RAB3GAP1: variants seen among roughly 807,000 people sequenced by gnomAD.
RAB3GAP1 encodes the protein rab3 GTPase-activating protein catalytic subunit.
RAB3GAP1 carries 86 observed loss-of-function variants against 130.7 expected under a neutral mutation model. That is an observed-to-expected ratio of 0.66 (90% CI 0.55 to 0.79). RAB3GAP1 has a LOEUF of 0.79. Ranked by LOEUF, RAB3GAP1 falls within the 30% of genes least tolerant of loss-of-function variation. The pLI is 0.00. For missense variants in RAB3GAP1, 1,029 were observed against 1,169.4 expected, an observed-to-expected ratio of 0.88 and a Z score of 1.75; for synonymous variants, 367 against 401.7, an observed-to-expected ratio of 0.91 and a Z score of 1.03.
intron 2 of RAB3GAP1, among the ~76,000 whole-genome samples, chr2:135,053,301 G>T (rs188061029): frequency 4.6e-5 from 7 of 152,354 alleles, no homozygotes; most frequent in South Asian, 2.1e-4. Flanking sequence ...GTCTGCATAT[G>T]GTTTTGGAAT....
chr2:135,173,484 G>T (rs1471361001), downstream of RAB3GAP1, among the ~76,000 whole-genome samples: 3 of 152,108 alleles, frequency 2.0e-5, no homozygotes, highest in Non-Finnish European at 4.4e-5. Context: ...GAGATGACAA[G>T]TAAGATGAGG....
chr2:135,052,567 A>C, intron 2 of RAB3GAP1, 82 bp downstream of exon 2: 5 of 1,484,100 alleles, frequency 3.4e-6, no homozygotes, highest in Non-Finnish European at 4.7e-6. Context: ...GACACACCAC[A>C]AGTGACGCCA....
At chr2:135,107,440 A>G (rs1455535522) in intron 5 of RAB3GAP1, among the ~76,000 whole-genome samples, 2 of 152,136 alleles carry the variant, frequency 1.3e-5, no homozygotes, top group Non-Finnish European at 2.9e-5. Flanking sequence ...GAAGGAATGG[A>G]GTTATACTAT....
chr2:135,115,768 T>A (rs1020926347), intron 7 of RAB3GAP1, among the ~76,000 whole-genome samples: 1 of 152,224 alleles, frequency 6.6e-6, no homozygotes, highest in Admixed American at 6.5e-5. Context: ...CTAAACACTT[T>A]GGGTTCTGAA....
intron 7 of RAB3GAP1, among the ~76,000 whole-genome samples, chr2:135,117,462 G>GCTTCTT (rs1284949739): frequency 2.4e-5 from 1 of 41,788 alleles, no homozygotes; most frequent in African/African-American, 5.6e-5. Context: ...TTCTGCTTCT[G>GCTTCTT]CTTCTGCTTC....
intron 5 of RAB3GAP1, among the ~76,000 whole-genome samples, chr2:135,105,992 C>A (rs1305317489): frequency 6.6e-6 from 1 of 151,336 alleles, no homozygotes; most frequent in African/African-American, 2.4e-5. Flanking sequence ...GCCCCTCCGC[C>A]CGGCAGCTGC....
chr2:135,127,191 T>TC (rs1410963143), intron 11 of RAB3GAP1, among the ~76,000 whole-genome samples: 1 of 151,460 alleles, frequency 6.6e-6, no homozygotes, highest in Non-Finnish European at 1.5e-5. Context: ...CTTTTTCTTT[T>TC]TTTTTTTTTT....
intron 22 of RAB3GAP1, among the ~76,000 whole-genome samples, chr2:135,163,559 G>A (rs1456226619): frequency 6.6e-6 from 1 of 152,176 alleles, no homozygotes; most frequent in Non-Finnish European, 1.5e-5. Context: ...TGTGCCTTGC[G>A]ATTATGTTTT....
At position 135,099,735 on chromosome 2, in the gene RAB3GAP1, A is replaced by T. The variant is rs77928821; in HGVS notation, c.362+6042A>T. On this transcript the variant is annotated intron_variant, in intron 5 of 23. Coordinates refer to ENST00000264158, the MANE Select transcript of RAB3GAP1 (RefSeq NM_012233.3). ...GCATTCTCATTTTATTGAGGTGGCA[A>T]TTCCTTCTAGGGTCCAGGATGTAAG... Among the ~76,000 whole-genome samples the T allele has an allele frequency of 7.1e-3, 1,075 of 151,916 alleles. 12 individuals are homozygous for T. The highest frequency in any genetic ancestry group is 0.024 in the African/African-American group (1,005 of 41,400).
At chr2:135,071,858 C>G (rs75409920) in intron 3 of RAB3GAP1, among the ~76,000 whole-genome samples, 8,239 of 152,290 alleles carry the variant, frequency 0.054, 417 homozygotes, top group African/African-American at 0.14. Flanking sequence ...TCAGGAGACT[C>G]TGTAGGTCAT....
chr2:135,082,246 A>G (rs1232112938), intron 3 of RAB3GAP1, among the ~76,000 whole-genome samples: 3 of 152,168 alleles, frequency 2.0e-5, no homozygotes, highest in African/African-American at 7.2e-5. Flanking sequence ...AGTGGTCTTT[A>G]GTATATTGAT....
At chr2:135,069,589 GAT>G (rs2104839462) in intron 3 of RAB3GAP1, among the ~76,000 whole-genome samples, 1 of 152,210 alleles carries the variant, frequency 6.6e-6, no homozygotes, top group South Asian at 2.1e-4. Context: ...ATGTGTTTAA[GAT>G]ATGTTTACAG....
intron 18 of RAB3GAP1, 93 bp downstream of exon 18, chr2:135,150,599 A>T: frequency 6.6e-7 from 1 of 1,519,192 alleles, no homozygotes; most frequent in Non-Finnish European, 9.1e-7. Flanking sequence ...AAAGGCCTGA[A>T]TGTCTTTTTG....
chr2:135,062,095 A>G (rs574978591), intron 3 of RAB3GAP1, among the ~76,000 whole-genome samples: 13 of 151,810 alleles, frequency 8.6e-5, no homozygotes, highest in Admixed American at 6.6e-4. Flanking sequence ...ATCTTGGCTC[A>G]CTGCAGCCTC....
intron 11 of RAB3GAP1, among the ~76,000 whole-genome samples, chr2:135,128,454 G>C (rs550040344): frequency 8.2e-4 from 125 of 152,256 alleles, no homozygotes; most frequent in African/African-American, 2.8e-3. Context: ...CAGTGCCTTT[G>C]TTATAGTAAA....
In RAB3GAP1 at chr2:135,056,384, T is replaced by G. The variant is rs562029300; in HGVS notation, c.75-1627T>G. ...CGCCTGGCTAATTTTTGTTGTATTTTCAGTAGAGACGGGGTTTCACCATCT... is the reference window on the plus strand; with the variant it reads ...CGCCTGGCTAATTTTTGTTGTATTTGCAGTAGAGACGGGGTTTCACCATCT... On this transcript the variant is annotated intron_variant, in intron 2 of 23. Transcript: ENST00000264158. Among the ~76,000 whole-genome samples, 33 of 152,014 alleles carry G rather than the reference T, an allele frequency of 2.2e-4. No individual in the cohort carries two copies. The South Asian group carries it at 6.7e-3, about 31-fold the overall frequency.
At chr2:135,092,015 G>A (rs1690156419) in intron 4 of RAB3GAP1, among the ~76,000 whole-genome samples, 1 of 152,138 alleles carries the variant, frequency 6.6e-6, no homozygotes, top group Admixed American at 6.5e-5. Flanking sequence ...TTTTTCTTGT[G>A]TAGGAATAGA....
At chr2:135,109,998 C>T (rs537787597) in intron 5 of RAB3GAP1, among the ~76,000 whole-genome samples, 256 of 151,968 alleles carry the variant, frequency 1.7e-3, no homozygotes, top group African/African-American at 5.9e-3. Flanking sequence ...AAAGCTCCCA[C>T]GTAATGTTAG....
At chr2:135,145,314 T>C (rs979976092) in intron 17 of RAB3GAP1, among the ~76,000 whole-genome samples, 2 of 152,086 alleles carry the variant, frequency 1.3e-5, no homozygotes, top group Admixed American at 6.6e-5. Context: ...ACTTTACTAT[T>C]GAACATTAGA....
Sources: allele counts gnomAD v4.1 joint callset (sites outside exome capture counted in the v4.1 genomes callset), GRCh38; gene constraint gnomAD v4.1.1; transcripts MANE v1.5; gene names NCBI Gene and HGNC (gene_info 2026-07-23, HGNC 2026-07-21).